Variants in COL22A1 observed in about 807,000 individuals in gnomAD.
COL22A1 encodes the protein collagen type XXII alpha 1 chain.
COL22A1 carries 221 observed loss-of-function variants against 248.9 expected under a neutral mutation model. The ratio of observed to expected loss-of-function variants is 0.89; its 90% CI spans 0.80 to 0.99. The LOEUF (loss-of-function observed/expected upper bound fraction) is 0.99, where lower values mean the gene tolerates loss of function less well. COL22A1 is among the 50% of genes least tolerant of loss of function. The pLI, the probability that COL22A1 is intolerant of heterozygous loss-of-function variation, is 0.00. For synonymous variants in COL22A1, 891 were observed against 793.4 expected (o/e 1.12, Z -2.07); for missense variants, 2,240 against 2,179.0 (o/e 1.03, Z -0.56).
At chr8:138,672,150 T>G (rs1825089658) in intron 41 of COL22A1, among the ~76,000 whole-genome samples, 1 of 152,220 alleles carries the variant, frequency 6.6e-6, no homozygotes, top group Non-Finnish European at 1.5e-5. Context: ...GTTCCTGTCC[T>G]AGCTCTACCA....
At chr8:138,679,881 C>T (rs1389025518) in intron 39 of COL22A1, among the ~76,000 whole-genome samples, 1 of 152,146 alleles carries the variant, frequency 6.6e-6, no homozygotes, top group Non-Finnish European at 1.5e-5. Flanking sequence ...CTGTGTCAGG[C>T]ATTGAGATCT....
chr8:138,860,533 C>T (rs1586907849), intron 3 of COL22A1, among the ~76,000 whole-genome samples: 1 of 152,204 alleles, frequency 6.6e-6, no homozygotes, highest in Admixed American at 6.5e-5. Flanking sequence ...AACAACTTTC[C>T]GGATGTGGTG....
intron 25 of COL22A1, 150 bp downstream of exon 25, chr8:138,724,465 C>T: frequency 1.4e-6 from 1 of 714,334 alleles, no homozygotes; most frequent in Non-Finnish European, 2.4e-6. Flanking sequence ...GAAAGAAGAC[C>T]CAGCTGAGCT....
At chr8:138,633,779 T>C (rs1219188725) in intron 49 of COL22A1, among the ~76,000 whole-genome samples, 1 of 152,218 alleles carries the variant, frequency 6.6e-6, no homozygotes, top group East Asian at 1.9e-4. Flanking sequence ...GCAAAGCAAC[T>C]ACTAAGTGAA....
intron 41 of COL22A1, among the ~76,000 whole-genome samples, chr8:138,673,142 T>A (rs1014448270): frequency 6.6e-6 from 1 of 151,548 alleles, no homozygotes; most frequent in African/African-American, 2.4e-5. Flanking sequence ...CTGCCCTGGA[T>A]GCCAAAGGCA....
chr8:138,652,654 A>G (rs1822843794), intron 45 of COL22A1, among the ~76,000 whole-genome samples: 1 of 146,490 alleles, frequency 6.8e-6, no homozygotes, highest in Non-Finnish European at 1.5e-5. Flanking sequence ...TTCAGGGTTC[A>G]TTGTATGTAA....
intron 12 of COL22A1, among the ~76,000 whole-genome samples, chr8:138,792,076 C>A (rs532744465): frequency 6.8e-4 from 104 of 152,256 alleles, no homozygotes; most frequent in Non-Finnish European, 1.2e-3. Context: ...TAGTTGCTGA[C>A]CCAAGCATGG....
At chr8:138,615,402 G>A (rs1331606928) in intron 55 of COL22A1, among the ~76,000 whole-genome samples, 1 of 152,012 alleles carries the variant, frequency 6.6e-6, no homozygotes. Flanking sequence ...ATGGTGGCAG[G>A]TGCCTCTAGT....
At chr8:138,605,774 G>C (rs1289952968) in intron 58 of COL22A1, among the ~76,000 whole-genome samples, 1 of 152,158 alleles carries the variant, frequency 6.6e-6, no homozygotes, top group African/African-American at 2.4e-5. Context: ...TCCCTGTCCA[G>C]AAACTTGGCA....
intron 12 of COL22A1, among the ~76,000 whole-genome samples, chr8:138,783,247 G>A (rs1815192447): frequency 6.6e-6 from 1 of 152,210 alleles, no homozygotes; most frequent in East Asian, 1.9e-4. Flanking sequence ...ATAAAATGGG[G>A]ACAATCACGG....
intron 1 of COL22A1, among the ~76,000 whole-genome samples, chr8:138,910,883 G>A (rs556181887): frequency 1.3e-5 from 2 of 152,188 alleles, no homozygotes; most frequent in East Asian, 1.9e-4. Context: ...TGACACACAC[G>A]TAGTCCATGG....
intron 43 of COL22A1, among the ~76,000 whole-genome samples, chr8:138,660,823 C>T (rs1444347422): frequency 1.4e-5 from 2 of 142,136 alleles, no homozygotes; most frequent in East Asian, 2.0e-4. Flanking sequence ...CACACATACA[C>T]ACACATACAC....
chr8:138,759,919 C>T lies in COL22A1; in HGVS notation c.1902+324G>A, dbSNP rs1327741271. ...TATTTATTTATAGCCTTCCTTATTC[C>T]AAAAAGCACTGTAATGCTTTTTTAC... On this transcript the variant is annotated intron_variant, in intron 18 of 64. Transcript: ENST00000303045. Among the ~76,000 whole-genome samples the T allele has an allele frequency of 5.3e-5, 8 of 151,662 alleles. No homozygotes were observed. The East Asian group carries it at 1.5e-3, about 29-fold the overall frequency.
intron 38 of COL22A1, among the ~76,000 whole-genome samples, chr8:138,684,924 G>A (rs1389871769): frequency 2.0e-5 from 3 of 152,184 alleles, no homozygotes; most frequent in Non-Finnish European, 4.4e-5. Flanking sequence ...CTTGTCCTGA[G>A]CTGTGGGGAT....
Position 138,725,306 on chromosome 8 carries a change from A to G in COL22A1, c.2193+81T>C, listed in dbSNP as rs562862702. The G allele has an allele frequency of 2.8e-3, 3,863 of 1,394,106 alleles. 9 individuals carry two copies. The highest frequency in any genetic ancestry group is 3.5e-3 in the Non-Finnish European group (3,406 of 979,180). 86.4% of individuals were successfully genotyped at this position (1,394,106 alleles called of 1,614,324 possible). A position where few individuals can be genotyped will look rare whatever the true frequency, so the allele number is the denominator to read the frequency against. On this transcript the variant is annotated intron_variant, in intron 24 of 64. Coordinates refer to ENST00000303045, the MANE Select transcript of COL22A1 (RefSeq NM_152888.3). ...TTGGGTGGATAAAAGACAAGAGGCC[A>G]TTCACAAAGATGTCCCCAGGTCCCA...
chr8:138,694,766 T>G, intron 33 of COL22A1, 60 bp downstream of exon 33: 1 of 1,580,288 alleles, frequency 6.3e-7, no homozygotes, highest in Non-Finnish European at 8.7e-7. Context: ...CTGGTCAGCC[T>G]TTGGAGTCCG....
At chr8:138,814,479 A>C (rs1818510853) in intron 7 of COL22A1, among the ~76,000 whole-genome samples, 1 of 152,120 alleles carries the variant, frequency 6.6e-6, no homozygotes, top group African/African-American at 2.4e-5. Flanking sequence ...ACCATGGGGC[A>C]CAGAAGGTAG....
chr8:138,828,788 C>A (rs1819798432), intron 5 of COL22A1, among the ~76,000 whole-genome samples: 1 of 152,006 alleles, frequency 6.6e-6, no homozygotes, highest in Non-Finnish European at 1.5e-5. Context: ...CGTGCTATAA[C>A]CCAGGCTCTG....
At chr8:138,811,757 C>T in intron 9 of COL22A1, 42 bp downstream of exon 9, 1 of 1,612,192 alleles carries the variant, frequency 6.2e-7, no homozygotes, top group Non-Finnish European at 8.5e-7. Flanking sequence ...CACTGCACCA[C>T]CCAGGGTTCT....
Sources: gnomAD v4.1 joint callset for allele counts (sites outside exome capture counted in the v4.1 genomes callset) on GRCh38, gnomAD v4.1.1 for gene constraint, MANE v1.5 for transcripts, NCBI Gene and HGNC (gene_info 2026-07-23, HGNC 2026-07-21) for gene names.